The following OXR1 variants were observed in gnomAD, a reference collection of about 807,000 sequenced individuals.
The protein encoded by OXR1 is oxidation resistance 1, also known as oxidation resistance protein 1.
OXR1 carries 41 observed loss-of-function variants against 104.6 expected under a neutral mutation model. The observed-to-expected ratio is 0.39, with a 90% confidence interval of 0.31 to 0.51. The LOEUF (loss-of-function observed/expected upper bound fraction) is 0.51. Among genes scored for constraint, OXR1 ranks in the 20% least tolerant of loss-of-function variants. OXR1 has a pLI of 0.77. For synonymous variants in OXR1, 348 were observed against 348.4 expected, an observed-to-expected ratio of 1.00 and a Z score of 0.01; for missense variants, 955 against 1,031.9, an observed-to-expected ratio of 0.93 and a Z score of 1.02.
intron 2 of OXR1, among the ~76,000 whole-genome samples, chr8:106,469,820 A>G (rs972777488): frequency 2.6e-5 from 4 of 151,960 alleles, no homozygotes; most frequent in Non-Finnish European, 5.9e-5. Context: ...CAAGGGTAAA[A>G]TCAGGTTGCA....
intron 11 of OXR1, among the ~76,000 whole-genome samples, chr8:106,723,071 C>G (rs1832962704): frequency 6.6e-6 from 1 of 152,084 alleles, no homozygotes; most frequent in Admixed American, 6.5e-5. Context: ...AAATCTTTAT[C>G]TAGGCCAGGC....
intron 2 of OXR1, among the ~76,000 whole-genome samples, chr8:106,368,588 T>TC (rs1816581394): frequency 6.6e-6 from 1 of 151,984 alleles, no homozygotes; most frequent in South Asian, 2.1e-4. Flanking sequence ...GTGTGTTGTT[T>TC]CCCTCTCTGT....
At chr8:106,295,857 T>C (rs548115612) in intron 1 of OXR1, among the ~76,000 whole-genome samples, 6 of 152,284 alleles carry the variant, frequency 3.9e-5, no homozygotes, top group African/African-American at 1.4e-4. Context: ...ATATCTGCCA[T>C]TTCTTTGTTG....
chr8:106,514,629 G>T (rs1408407417), intron 2 of OXR1, among the ~76,000 whole-genome samples: 1 of 152,024 alleles, frequency 6.6e-6, no homozygotes, highest in Non-Finnish European at 1.5e-5. Flanking sequence ...AATATAAAAA[G>T]GGCAATGAGA....
intron 2 of OXR1, among the ~76,000 whole-genome samples, chr8:106,435,671 C>T (rs1027939155): frequency 5.9e-5 from 9 of 152,116 alleles, no homozygotes; most frequent in African/African-American, 9.7e-5. Flanking sequence ...TACGTTTTGA[C>T]GTGAAATAAG....
intron 1 of OXR1, among the ~76,000 whole-genome samples, chr8:106,289,905 TA>T (rs1325097206): frequency 6.6e-6 from 1 of 152,170 alleles, no homozygotes; most frequent in African/African-American, 2.4e-5. Flanking sequence ...GATGGTTTTA[TA>T]AGGGACTTTC....
chr8:106,466,127 C>T (rs73699508), intron 2 of OXR1, among the ~76,000 whole-genome samples: 153 of 151,884 alleles, frequency 1.0e-3, no homozygotes, highest in African/African-American at 3.5e-3. Flanking sequence ...CCATTTGGTC[C>T]TCAATTGAGT....
At chr8:106,556,487 G>T (rs1303888361) in intron 3 of OXR1, among the ~76,000 whole-genome samples, 1 of 152,086 alleles carries the variant, frequency 6.6e-6, no homozygotes, top group Non-Finnish European at 1.5e-5. Context: ...AATCCCAAAT[G>T]AATCCTGCCT....
At chr8:106,408,506 A>G (rs1190047638) in intron 2 of OXR1, among the ~76,000 whole-genome samples, 2 of 152,268 alleles carry the variant, frequency 1.3e-5, no homozygotes, top group East Asian at 3.9e-4. Context: ...GGAATAAGGG[A>G]TGGCTGTATT....
intron 2 of OXR1, among the ~76,000 whole-genome samples, chr8:106,500,945 G>A (rs1670396): frequency 0.69 from 104,229 of 152,032 alleles, 36,188 homozygotes; most frequent in Non-Finnish European, 0.72. Context: ...TCATTGATAA[G>A]TCGTCTGAAG....
At chr8:106,664,035 T>C (rs1826031583) in intron 3 of OXR1, among the ~76,000 whole-genome samples, 1 of 152,168 alleles carries the variant, frequency 6.6e-6, no homozygotes, top group African/African-American at 2.4e-5. Flanking sequence ...TAAAGCCGGA[T>C]GGGAGGAAGA....
intron 3 of OXR1, among the ~76,000 whole-genome samples, chr8:106,594,180 G>A (rs1013528261): frequency 1.2e-4 from 18 of 152,274 alleles, no homozygotes; most frequent in African/African-American, 4.1e-4. Context: ...TTCAATTGCT[G>A]AGGCTTTATT....
intron 1 of OXR1, among the ~76,000 whole-genome samples, chr8:106,274,170 C>T (rs979669626): frequency 6.6e-6 from 1 of 152,112 alleles, no homozygotes; most frequent in African/African-American, 2.4e-5. Flanking sequence ...TATTTAATTT[C>T]CATTTGAAAT....
chr8:106,374,217 C>T (rs879790121), intron 2 of OXR1, among the ~76,000 whole-genome samples: 5 of 152,172 alleles, frequency 3.3e-5, no homozygotes, highest in African/African-American at 4.8e-5. Context: ...TCATCTTCTT[C>T]CCTGGATATT....
intron 2 of OXR1, among the ~76,000 whole-genome samples, chr8:106,516,483 A>G (rs1330699926): frequency 2.0e-5 from 3 of 152,078 alleles, no homozygotes; most frequent in Non-Finnish European, 2.9e-5. Flanking sequence ...CCATTCCAGG[A>G]ATGAATGAAC....
intron 2 of OXR1, among the ~76,000 whole-genome samples, chr8:106,487,513 G>A (rs1400167876): frequency 3.3e-5 from 5 of 151,358 alleles, no homozygotes; most frequent in East Asian, 1.9e-4. Flanking sequence ...ATGCTGGTGC[G>A]CTGCACCCAC....
At chr8:106,536,826 G>T (rs984521467) in intron 3 of OXR1, among the ~76,000 whole-genome samples, 18 of 152,014 alleles carry the variant, frequency 1.2e-4, no homozygotes, top group Admixed American at 1.2e-3. Flanking sequence ...TTTGTTTTTT[G>T]ATTGTATTTT....
At chr8:106,667,434 GA>G (rs1563684537) in intron 3 of OXR1, among the ~76,000 whole-genome samples, 1 of 152,124 alleles carries the variant, frequency 6.6e-6, no homozygotes, top group East Asian at 1.9e-4. Context: ...GTTAATAAAA[GA>G]AATGCATGTT....
intron 2 of OXR1, among the ~76,000 whole-genome samples, chr8:106,450,341 A>G (rs972613747): frequency 6.6e-6 from 1 of 152,138 alleles, no homozygotes; most frequent in Non-Finnish European, 1.5e-5. Context: ...GAATCTTTTC[A>G]TGTTTGTCCG....
Sources: allele counts gnomAD v4.1 joint callset (sites outside exome capture counted in the v4.1 genomes callset), GRCh38; gene constraint gnomAD v4.1.1; transcripts MANE v1.5; gene names NCBI Gene and HGNC (gene_info 2026-07-23, HGNC 2026-07-21).